Variants in LRRC4C observed in about 807,000 individuals in gnomAD.
LRRC4C encodes the protein leucine-rich repeat-containing protein 4C.
Under a neutral mutation model 33.6 loss-of-function variants are expected in LRRC4C, and 5 were observed. The ratio of observed to expected loss-of-function variants is 0.15; its 90% CI spans 0.08 to 0.31. The LOEUF (loss-of-function observed/expected upper bound fraction) is 0.31. LRRC4C is among the 10% of genes least tolerant of loss of function. The pLI is 1.00. For missense variants in LRRC4C, 560 were observed against 796.7 expected (o/e 0.70, Z 3.58); for synonymous variants, 329 against 302.0 (o/e 1.09, Z -0.93).
chr11:40,189,787 T>C (rs560159692), intron 5 of LRRC4C, among the ~76,000 whole-genome samples: 1 of 152,348 alleles, frequency 6.6e-6, no homozygotes, highest in South Asian at 2.1e-4. Flanking sequence ...AGAATGAGCA[T>C]GACGGAAATA....
chr11:40,739,626 T>C (rs1948061675), intron 2 of LRRC4C, among the ~76,000 whole-genome samples: 1 of 152,042 alleles, frequency 6.6e-6, no homozygotes, highest in African/African-American at 2.4e-5. Flanking sequence ...TGGGAGGTGA[T>C]TGCATCATGG....
chr11:41,055,500 T>A (rs1301297319), intron 1 of LRRC4C, among the ~76,000 whole-genome samples: 1 of 152,170 alleles, frequency 6.6e-6, no homozygotes, highest in East Asian at 1.9e-4. Context: ...ACTCATGGAA[T>A]AATCAAAATT....
chr11:40,738,053 C>G (rs980630276), intron 2 of LRRC4C, among the ~76,000 whole-genome samples: 4 of 152,106 alleles, frequency 2.6e-5, no homozygotes, highest in African/African-American at 7.2e-5. Flanking sequence ...ACAGAGGCCT[C>G]AGAAATAACA....
chr11:40,598,658 C>T (rs1246543249), intron 3 of LRRC4C, among the ~76,000 whole-genome samples: 1 of 152,186 alleles, frequency 6.6e-6, no homozygotes, highest in Admixed American at 6.5e-5. Context: ...CCTAATCTCA[C>T]ATGTTTTATT....
chr11:40,585,562 G>A (rs976674505), intron 3 of LRRC4C, among the ~76,000 whole-genome samples: 1 of 147,496 alleles, frequency 6.8e-6, no homozygotes, highest in African/African-American at 2.5e-5. Flanking sequence ...ATGCTGGTGC[G>A]CTGCACCCAC....
At chr11:40,398,273 G>A (rs1304533162) in intron 3 of LRRC4C, among the ~76,000 whole-genome samples, 1 of 151,974 alleles carries the variant, frequency 6.6e-6, no homozygotes, top group Non-Finnish European at 1.5e-5. Flanking sequence ...TTATTCAGAA[G>A]TATAAGCCAA....
At chr11:41,003,425 A>G (rs549865281) in intron 1 of LRRC4C, among the ~76,000 whole-genome samples, 2 of 152,316 alleles carry the variant, frequency 1.3e-5, no homozygotes, top group African/African-American at 4.8e-5. Context: ...AATAAAGGAC[A>G]TTCAGACTTT....
At chr11:41,285,811 GTATTTTATTTTATTTATTT>G (rs1949808264) in intron 1 of LRRC4C, among the ~76,000 whole-genome samples, 1 of 151,830 alleles carries the variant, frequency 6.6e-6, no homozygotes, top group Admixed American at 6.6e-5. Context: ...TTATTTTATT[GTATTTTATTTTATTTATTT>G]TATTTTATTT....
At chr11:40,649,332 C>T (rs951365669) in intron 2 of LRRC4C, among the ~76,000 whole-genome samples, 5 of 152,080 alleles carry the variant, frequency 3.3e-5, no homozygotes, top group Non-Finnish European at 7.4e-5. Context: ...GCATTCCTTT[C>T]CCAGGGTCTT....
chr11:40,791,475 C>A (rs1336867215), intron 2 of LRRC4C, among the ~76,000 whole-genome samples: 7 of 152,086 alleles, frequency 4.6e-5, no homozygotes, highest in Admixed American at 2.6e-4. Flanking sequence ...GGCTCTTCAT[C>A]CACTCCAGGT....
At chr11:40,661,866 C>G (rs984778898) in intron 2 of LRRC4C, among the ~76,000 whole-genome samples, 14 of 152,128 alleles carry the variant, frequency 9.2e-5, no homozygotes, top group Admixed American at 7.9e-4. Context: ...TACACAAACC[C>G]CCAACTCTAA....
intron 1 of LRRC4C, among the ~76,000 whole-genome samples, chr11:41,240,008 C>G (rs1404389491): frequency 1.3e-5 from 2 of 152,056 alleles, no homozygotes; most frequent in Non-Finnish European, 2.9e-5. Context: ...TGTGTTGTGT[C>G]CAATATGAAA....
chr11:41,135,728 C>T (rs918693359), intron 1 of LRRC4C, among the ~76,000 whole-genome samples: 2 of 152,176 alleles, frequency 1.3e-5, no homozygotes, highest in Non-Finnish European at 2.9e-5. Flanking sequence ...CTTATGCCTT[C>T]GTTCTACCTT....
intron 4 of LRRC4C, among the ~76,000 whole-genome samples, chr11:40,268,984 T>C (rs1942489522): frequency 6.6e-6 from 1 of 152,206 alleles, no homozygotes; most frequent in Non-Finnish European, 1.5e-5. Flanking sequence ...AATTCAGTAC[T>C]TTTTGGCTTT....
intron 1 of LRRC4C, among the ~76,000 whole-genome samples, chr11:41,436,038 T>C (rs1470071399): frequency 6.6e-6 from 1 of 152,136 alleles, no homozygotes; most frequent in Non-Finnish European, 1.5e-5. Flanking sequence ...ACCTTGTCTG[T>C]ACTAAAAATA....
At chr11:40,642,594 G>A (rs559465519) in intron 3 of LRRC4C, among the ~76,000 whole-genome samples, 30 of 152,152 alleles carry the variant, frequency 2.0e-4, no homozygotes, top group Admixed American at 1.8e-3. Context: ...CACTGTTAAT[G>A]GCCCTGTATT....
chr11:40,848,821 G>A (rs370412951), intron 2 of LRRC4C, among the ~76,000 whole-genome samples: 11 of 151,978 alleles, frequency 7.2e-5, no homozygotes, highest in African/African-American at 2.7e-4. Context: ...TATGAATCTG[G>A]GTATTCCTGT....
At chr11:41,151,428 C>T (rs1698214371) in intron 1 of LRRC4C, among the ~76,000 whole-genome samples, 1 of 152,148 alleles carries the variant, frequency 6.6e-6, no homozygotes, top group Non-Finnish European at 1.5e-5. Context: ...CCAGGACAGG[C>T]ATCTATGTGG....
chr11:40,362,925 C>T (rs1948024802), intron 3 of LRRC4C, among the ~76,000 whole-genome samples: 1 of 152,048 alleles, frequency 6.6e-6, no homozygotes, highest in Non-Finnish European at 1.5e-5. Flanking sequence ...CAGATGCTGT[C>T]AAGGTTGTAA....
Sources: gnomAD v4.1 joint callset for allele counts (sites outside exome capture counted in the v4.1 genomes callset) on GRCh38, gnomAD v4.1.1 for gene constraint, MANE v1.5 for transcripts, NCBI Gene and HGNC (gene_info 2026-07-23, HGNC 2026-07-21) for gene names.